Variants in GSG1L observed in about 807,000 individuals in gnomAD.
GSG1L encodes GSG1 like.
Under a neutral mutation model 42.1 loss-of-function variants are expected in GSG1L, and 24 were observed. The observed-to-expected ratio is 0.57, with a 90% CI of 0.41 to 0.80. The LOEUF (loss-of-function observed/expected upper bound fraction) is 0.80, where lower values mean the gene tolerates loss of function less well. GSG1L is among the 30% of genes least tolerant of loss of function. GSG1L has a pLI of 0.00. For synonymous variants in GSG1L, 215 were observed against 203.5 expected, an observed-to-expected ratio of 1.06 and a Z score of -0.48; for missense variants, 445 against 472.2, an observed-to-expected ratio of 0.94 and a Z score of 0.53.
chr16:27,924,293 A>G (rs920722572), intron 2 of GSG1L, among the ~76,000 whole-genome samples: 2 of 151,082 alleles, frequency 1.3e-5, no homozygotes, highest in Middle Eastern at 3.4e-3. Flanking sequence ...GAATATGTGT[A>G]CTTCATATAA....
intron 2 of GSG1L, among the ~76,000 whole-genome samples, chr16:27,937,680 C>T (rs1185078026): frequency 1.3e-5 from 2 of 152,210 alleles, no homozygotes; most frequent in Admixed American, 6.5e-5. Flanking sequence ...TTGGCACCAT[C>T]GTTGAGTTGG....
intron 4 of GSG1L, among the ~76,000 whole-genome samples, chr16:27,831,468 T>G (rs1253619991): frequency 1.3e-5 from 2 of 152,248 alleles, no homozygotes; most frequent in East Asian, 3.8e-4. Context: ...ATTTCTAGTC[T>G]TTATAGCCAA....
intron 1 of GSG1L, among the ~76,000 whole-genome samples, chr16:28,030,749 A>AGGATGGAATG (rs1334576998): frequency 1.0e-5 from 1 of 95,790 alleles, no homozygotes; most frequent in African/African-American, 4.0e-5. Flanking sequence ...GGGATGGGTT[A>AGGATGGAATG]GGATGGAATG....
intron 2 of GSG1L, among the ~76,000 whole-genome samples, chr16:27,894,145 G>C (rs1178707810): frequency 6.6e-6 from 1 of 152,188 alleles, no homozygotes; most frequent in African/African-American, 2.4e-5. Flanking sequence ...TGTGAGACTG[G>C]GAAAAGGATA....
At chr16:27,979,669 G>A (rs146855747) in intron 1 of GSG1L, among the ~76,000 whole-genome samples, 1,523 of 45,858 alleles carry the variant, frequency 0.033, 20 homozygotes, top group Middle Eastern at 0.06. Context: ...GAAAGAGAGA[G>A]AGAGAGAGAG....
intron 2 of GSG1L, among the ~76,000 whole-genome samples, chr16:27,911,268 T>TCGCTCTCTCTCTCTCTCTCTCG (rs1555507781): frequency 7.2e-5 from 8 of 111,564 alleles, no homozygotes; most frequent in South Asian, 3.1e-4. Context: ...TCTCTCTCGC[T>TCGCTCTCTCTCTCTCTCTCTCG]CTCTCTCTCT....
At chr16:27,952,159 T>C (rs2141096904) in intron 2 of GSG1L, among the ~76,000 whole-genome samples, 1 of 152,356 alleles carries the variant, frequency 6.6e-6, no homozygotes, top group Non-Finnish European at 1.5e-5. Flanking sequence ...CCACTATCTA[T>C]AACCTGGCCC....
At chr16:27,978,879 A>T (rs1280624376) in intron 1 of GSG1L, among the ~76,000 whole-genome samples, 1 of 152,122 alleles carries the variant, frequency 6.6e-6, no homozygotes, top group Non-Finnish European at 1.5e-5. Flanking sequence ...GGTCATTGGC[A>T]TAAAACAAGA....
At chr16:27,880,189 A>G (rs1170343123) in intron 3 of GSG1L, among the ~76,000 whole-genome samples, 1 of 152,160 alleles carries the variant, frequency 6.6e-6, no homozygotes, top group Non-Finnish European at 1.5e-5. Flanking sequence ...CCTGTTTCCA[A>G]GGGGCTCCCT....
intron 1 of GSG1L, among the ~76,000 whole-genome samples, chr16:27,975,248 C>A (rs370838667): frequency 5.3e-5 from 8 of 152,264 alleles, no homozygotes; most frequent in Admixed American, 2.0e-4. Flanking sequence ...TCTCCTTCTG[C>A]CCTCTTGATT....
chr16:28,058,570 G>A (rs2086304107), intron 1 of GSG1L, among the ~76,000 whole-genome samples: 1 of 141,040 alleles, frequency 7.1e-6, no homozygotes, highest in Non-Finnish European at 1.5e-5. Context: ...GGAAGCTGTA[G>A]TAAGCTGTGC....
intron 1 of GSG1L, among the ~76,000 whole-genome samples, chr16:28,007,172 T>C (rs2085650474): frequency 6.6e-6 from 1 of 152,090 alleles, no homozygotes; most frequent in Non-Finnish European, 1.5e-5. Context: ...GTGATGAAGA[T>C]AAGGATCGAG....
chr16:27,821,520 G>T (rs950490652), intron 5 of GSG1L, among the ~76,000 whole-genome samples: 30 of 152,146 alleles, frequency 2.0e-4, no homozygotes, highest in African/African-American at 6.5e-4. Flanking sequence ...ACTTATAAGT[G>T]AGAAAATGCC....
chr16:27,913,053 G>A lies in GSG1L; in HGVS notation c.398-28415C>T, dbSNP rs369195015. Among the ~76,000 whole-genome samples, 90 of 152,038 alleles carry A rather than the reference G, an allele frequency of 5.9e-4. 2 individuals carry two copies. In the Middle Eastern group the frequency reaches 0.01, roughly 17 times the overall value. ...GCCCAGGCTGCTCTGAAACTCCTGG[G>A]CTCAAGTGATCCTCCTGCCTCAGCC... is the stretch of plus-strand genomic sequence containing the variant. On this transcript the variant is annotated intron_variant, in intron 2 of 6. Coordinates refer to ENST00000447459, the MANE Select transcript of GSG1L (RefSeq NM_001109763.2).
At chr16:27,939,235 C>G (rs759817558) in intron 2 of GSG1L, among the ~76,000 whole-genome samples, 2 of 152,076 alleles carry the variant, frequency 1.3e-5, no homozygotes, top group Non-Finnish European at 2.9e-5. Context: ...CATCCTTTTG[C>G]CTTAGCCTCC....
intron 6 of GSG1L, among the ~76,000 whole-genome samples, chr16:27,800,617 C>T (rs1446062320): frequency 2.0e-5 from 3 of 152,064 alleles, no homozygotes; most frequent in Non-Finnish European, 4.4e-5. Context: ...AAGCAACTTC[C>T]TCAGGAAAAA....
chr16:27,905,736 T>C (rs1350103631), intron 2 of GSG1L, among the ~76,000 whole-genome samples: 1 of 152,190 alleles, frequency 6.6e-6, no homozygotes, highest in Admixed American at 6.5e-5. Context: ...ACGGCATTCA[T>C]CTTGGTGGCA....
intron 1 of GSG1L, among the ~76,000 whole-genome samples, chr16:28,020,482 AC>A (rs1336977029): frequency 6.6e-6 from 1 of 152,118 alleles, no homozygotes; most frequent in Non-Finnish European, 1.5e-5. Context: ...TGTTCTAAGT[AC>A]CTTTCCATGG....
intron 1 of GSG1L, among the ~76,000 whole-genome samples, chr16:28,053,188 A>C (rs1432739324): frequency 1.3e-5 from 2 of 152,210 alleles, no homozygotes; most frequent in East Asian, 3.8e-4. Context: ...AAGCCCCACA[A>C]ATGTGTCCAG....
Sources: gnomAD v4.1 joint callset for allele counts (sites outside exome capture counted in the v4.1 genomes callset) on GRCh38, gnomAD v4.1.1 for gene constraint, MANE v1.5 for transcripts, NCBI Gene and HGNC (gene_info 2026-07-23, HGNC 2026-07-21) for gene names.